The following PARD3 variants were observed in gnomAD, a reference collection of about 807,000 sequenced individuals.
The protein encoded by PARD3 is partitioning defective 3 homolog.
Under a neutral mutation model 155.4 loss-of-function variants are expected in PARD3, and 75 were observed. That is an observed-to-expected ratio of 0.48 (90% CI 0.40 to 0.58). The LOEUF (loss-of-function observed/expected upper bound fraction) is 0.58. Among genes scored for constraint, PARD3 ranks in the 20% least tolerant of loss-of-function variants. The pLI, the probability that PARD3 is intolerant of heterozygous loss-of-function variation, is 0.00. For missense variants in PARD3, 1,642 were observed against 1,721.7 expected, an observed-to-expected ratio of 0.95 and a Z score of 0.82; for synonymous variants, 576 against 610.5, an observed-to-expected ratio of 0.94 and a Z score of 0.83.
intron 2 of PARD3, among the ~76,000 whole-genome samples, chr10:34,677,437 G>A (rs1854860497): frequency 1.3e-5 from 2 of 151,052 alleles, no homozygotes; most frequent in African/African-American, 4.9e-5. Flanking sequence ...CTGTGATCAT[G>A]CCACTGCACT....
chr10:34,241,358 C>T (rs540493194), intron 22 of PARD3, among the ~76,000 whole-genome samples: 2 of 152,194 alleles, frequency 1.3e-5, no homozygotes, highest in South Asian at 4.2e-4. Flanking sequence ...TGCAAGGAGG[C>T]CAGCGTGGCT....
At chr10:34,653,630 T>C (rs150817782) in intron 2 of PARD3, among the ~76,000 whole-genome samples, 1 of 151,984 alleles carries the variant, frequency 6.6e-6, no homozygotes, top group African/African-American at 2.4e-5. Flanking sequence ...TAAAAATGCA[T>C]TTGAAACTGC....
At chr10:34,217,776 C>A (rs1402544530) in intron 22 of PARD3, among the ~76,000 whole-genome samples, 1 of 152,132 alleles carries the variant, frequency 6.6e-6, no homozygotes, top group Non-Finnish European at 1.5e-5. Context: ...GCAGGTCAGG[C>A]TTTGTTCTAG....
intron 2 of PARD3, among the ~76,000 whole-genome samples, chr10:34,644,859 T>A (rs2092788625): frequency 6.6e-6 from 1 of 152,194 alleles, no homozygotes; most frequent in Admixed American, 6.5e-5. Flanking sequence ...ACATGTTTTA[T>A]TTATTTATTT....
chr10:34,553,486 TG>T (rs2084754894), intron 2 of PARD3, among the ~76,000 whole-genome samples: 1 of 152,028 alleles, frequency 6.6e-6, no homozygotes, highest in Admixed American at 6.6e-5. Flanking sequence ...GATAAATAAA[TG>T]GCAAATTCTC....
intron 1 of PARD3, among the ~76,000 whole-genome samples, chr10:34,774,043 C>T (rs116120925): frequency 0.015 from 2,271 of 152,250 alleles, 43 homozygotes; most frequent in African/African-American, 0.051. Context: ...ATTTCTCACC[C>T]ACTACTGCTT....
chr10:34,606,541 T>C (rs9418104), intron 2 of PARD3, among the ~76,000 whole-genome samples: 75,006 of 150,898 alleles, frequency 0.5, 20,297 homozygotes, highest in African/African-American at 0.73. Flanking sequence ...TGGCTCATGC[T>C]TATAATTCCA....
chr10:34,618,884 A>G (rs2091440045), intron 2 of PARD3, among the ~76,000 whole-genome samples: 1 of 152,058 alleles, frequency 6.6e-6, no homozygotes, highest in East Asian at 1.9e-4. Context: ...GTCAACCACA[A>G]TATGATCCCA....
chr10:34,736,657 T>TTA (rs1564563661), intron 1 of PARD3, among the ~76,000 whole-genome samples: 232 of 119,470 alleles, frequency 1.9e-3, no homozygotes, highest in East Asian at 0.013. Context: ...TTAATTAATT[T>TTA]ATTTATTTAT....
At chr10:34,230,601 G>A (rs959976193) in intron 22 of PARD3, among the ~76,000 whole-genome samples, 1 of 152,092 alleles carries the variant, frequency 6.6e-6, no homozygotes, top group African/African-American at 2.4e-5. Context: ...AGGATGTCTT[G>A]TCATATTTTG....
chr10:34,630,515 C>CATA (rs2092216330), intron 2 of PARD3, among the ~76,000 whole-genome samples: 1 of 150,646 alleles, frequency 6.6e-6, no homozygotes, highest in African/African-American at 2.5e-5. Context: ...GTGGCACAAT[C>CATA]TCAGCTCACT....
intron 24 of PARD3, among the ~76,000 whole-genome samples, chr10:34,112,184 T>C (rs1200456405): frequency 1.3e-5 from 2 of 152,252 alleles, no homozygotes; most frequent in Non-Finnish European, 2.9e-5. Flanking sequence ...CCGGGATACC[T>C]GCTCATCCAG....
At chr10:34,727,798 C>A (rs1256062442) in intron 1 of PARD3, among the ~76,000 whole-genome samples, 2 of 148,368 alleles carry the variant, frequency 1.3e-5, no homozygotes, top group African/African-American at 5.0e-5. Flanking sequence ...CACAAGTATG[C>A]AACCCCCTCC....
At chr10:34,462,707 C>T (rs2077728224) in intron 4 of PARD3, among the ~76,000 whole-genome samples, 1 of 151,556 alleles carries the variant, frequency 6.6e-6, no homozygotes, top group Admixed American at 6.6e-5. Flanking sequence ...GGTGGGGTGG[C>T]CCATGCTTGT....
At chr10:34,812,448 T>TA (rs1240880619) in intron 1 of PARD3, among the ~76,000 whole-genome samples, 1 of 152,148 alleles carries the variant, frequency 6.6e-6, no homozygotes, top group African/African-American at 2.4e-5. Context: ...AAGGAACAGA[T>TA]AGAGAATAAA....
intron 1 of PARD3, among the ~76,000 whole-genome samples, chr10:34,705,556 A>G (rs1256605999): frequency 6.6e-6 from 1 of 152,172 alleles, no homozygotes; most frequent in East Asian, 1.9e-4. Context: ...ATCTTGTTAC[A>G]GGAACACTGC....
chr10:34,341,296 G>C (rs1160306203), intron 16 of PARD3, among the ~76,000 whole-genome samples: 1 of 151,114 alleles, frequency 6.6e-6, no homozygotes, highest in African/African-American at 2.4e-5. Flanking sequence ...GAGTTACCAA[G>C]AATTTATTTA....
At chr10:34,647,821 A>G (rs1237801349) in intron 2 of PARD3, among the ~76,000 whole-genome samples, 1 of 152,246 alleles carries the variant, frequency 6.6e-6, no homozygotes, top group Non-Finnish European at 1.5e-5. Flanking sequence ...TTCAACCAAG[A>G]AATGATAAAT....
intron 3 of PARD3, among the ~76,000 whole-genome samples, chr10:34,480,808 T>C (rs1247790038): frequency 2.7e-5 from 4 of 147,652 alleles, no homozygotes; most frequent in Non-Finnish European, 1.5e-5. Context: ...TTTTTTTTTT[T>C]TTTTTCTTTT....
Sources: allele counts gnomAD v4.1 joint callset (sites outside exome capture counted in the v4.1 genomes callset), GRCh38; gene constraint gnomAD v4.1.1; transcripts MANE v1.5; gene names NCBI Gene and HGNC (gene_info 2026-07-23, HGNC 2026-07-21).